The following PLPPR1 variants were observed in gnomAD, a reference collection of about 807,000 sequenced individuals.
PLPPR1 encodes the protein phospholipid phosphatase related 1.
Under a neutral mutation model 33.1 loss-of-function variants are expected in PLPPR1, and 10 were observed. The observed-to-expected ratio is 0.30, with a 90% CI of 0.19 to 0.51. The LOEUF (loss-of-function observed/expected upper bound fraction) is 0.51, where lower values mean the gene tolerates loss of function less well. PLPPR1 is among the 20% of genes least tolerant of loss of function. The pLI is 0.97. For missense variants in PLPPR1, 304 were observed against 408.1 expected (o/e 0.74, Z 2.20); for synonymous variants, 151 against 151.0 (o/e 1.00, Z 0.00).
intron 2 of PLPPR1, among the ~76,000 whole-genome samples, chr9:101,266,755 T>C (rs1306045565): frequency 6.6e-6 from 1 of 152,228 alleles, no homozygotes; most frequent in Admixed American, 6.5e-5. Context: ...TTTATTTCAG[T>C]GTATTTGGTG....
At chr9:101,064,488 G>A (rs1172925014) in intron 1 of PLPPR1, among the ~76,000 whole-genome samples, 1 of 152,046 alleles carries the variant, frequency 6.6e-6, no homozygotes, top group African/African-American at 2.4e-5. Context: ...GAAGCTGCAG[G>A]TTTCCAAAGA....
intron 4 of PLPPR1, among the ~76,000 whole-genome samples, chr9:101,308,632 C>A (rs1001150718): frequency 6.6e-6 from 1 of 151,990 alleles, no homozygotes; most frequent in Non-Finnish European, 1.5e-5. Context: ...CCAATTCAAG[C>A]AAAGTTTCTA....
intron 1 of PLPPR1, among the ~76,000 whole-genome samples, chr9:101,038,614 C>CA (rs1457805525): frequency 7.9e-5 from 12 of 152,198 alleles, no homozygotes; most frequent in Admixed American, 7.2e-4. Context: ...GGATAACAGG[C>CA]AGTTTCCAGC....
rs75575120 is a variant in PLPPR1 at position 101,084,820 on chromosome 9, C to T, written c.-46+55718C>T. Among the ~76,000 whole-genome samples the T allele has an allele frequency of 0.016, 2,509 of 152,278 alleles. 139 individuals carry two copies. In the South Asian group the frequency reaches 0.19, roughly 12 times the overall value. ...CCAAATTCTTTCAGGGACAATCATG[C>T]TGTGTGACATCGATGAATATGACAG... is the stretch of plus-strand genomic sequence containing the variant. On this transcript the variant is annotated intron_variant, in intron 1 of 7. Coordinates refer to ENST00000374874, the MANE Select transcript of PLPPR1 (RefSeq NM_207299.2).
intron 1 of PLPPR1, among the ~76,000 whole-genome samples, chr9:101,181,854 GTATATA>G (rs150075845): frequency 6.9e-6 from 1 of 144,310 alleles, no homozygotes; most frequent in South Asian, 2.2e-4. Context: ...GTGCATGTGT[GTATATA>G]TATATATACA....
chr9:101,291,239 G>A (rs1358977660), intron 4 of PLPPR1, among the ~76,000 whole-genome samples: 1 of 152,236 alleles, frequency 6.6e-6, no homozygotes, highest in Non-Finnish European at 1.5e-5. Context: ...CTGGGGGAGG[G>A]GCGCCCGCCA....
chr9:101,085,552 T>C (rs1357201271), intron 1 of PLPPR1, among the ~76,000 whole-genome samples: 1 of 151,848 alleles, frequency 6.6e-6, no homozygotes, highest in Non-Finnish European at 1.5e-5. Flanking sequence ...GAAACAAACA[T>C]TGGGGCCAAC....
intron 1 of PLPPR1, among the ~76,000 whole-genome samples, chr9:101,067,509 G>A (rs969700458): frequency 5.3e-5 from 8 of 152,034 alleles, no homozygotes; most frequent in African/African-American, 1.9e-4. Flanking sequence ...ACTTTAATAA[G>A]AGGGTATGCA....
Position 101,051,775 on chromosome 9 carries a change from T to G in PLPPR1, c.-46+22673T>G, listed in dbSNP as rs146396431. 2.2e-3 allele frequency among the ~76,000 whole-genome samples: 339 copies of G among 152,332 alleles called. 12 individuals carry two copies. In the East Asian group the frequency reaches 0.056, roughly 25 times the overall value. ...AGGCAGGTAGACATTTATTCTTTAA[T>G]TTAGAGATACAGAGCAAGTGTAAGT... On this transcript the variant is annotated intron_variant, in intron 1 of 7. Coordinates refer to ENST00000374874, the MANE Select transcript of PLPPR1 (RefSeq NM_207299.2).
At chr9:101,203,735 A>C (rs1440260464) in intron 2 of PLPPR1, among the ~76,000 whole-genome samples, 1 of 151,538 alleles carries the variant, frequency 6.6e-6, no homozygotes, top group South Asian at 2.1e-4. Context: ...GATATGTTAT[A>C]TATCTATCTA....
chr9:101,155,648 G>A (rs1382496815), intron 1 of PLPPR1, among the ~76,000 whole-genome samples: 2 of 150,786 alleles, frequency 1.3e-5, no homozygotes, highest in African/African-American at 4.9e-5. Flanking sequence ...TGCCCAGGCT[G>A]GAGTGCAGTG....
intron 1 of PLPPR1, among the ~76,000 whole-genome samples, chr9:101,101,606 A>G (rs1248345403): frequency 1.3e-5 from 2 of 152,142 alleles, no homozygotes; most frequent in Non-Finnish European, 2.9e-5. Context: ...TATGGAATAT[A>G]TGGTCATCCA....
chr9:101,307,160 G>A (rs1828872788), intron 4 of PLPPR1, among the ~76,000 whole-genome samples: 1 of 152,226 alleles, frequency 6.6e-6, no homozygotes, highest in Non-Finnish European at 1.5e-5. Flanking sequence ...GAGAGAAGAA[G>A]AGAAGCTACT....
intron 2 of PLPPR1, among the ~76,000 whole-genome samples, chr9:101,216,022 A>C (rs546655260): frequency 1.3e-5 from 2 of 152,076 alleles, no homozygotes; most frequent in South Asian, 4.1e-4. Flanking sequence ...GGATTACGGG[A>C]TCATATGATA....
intron 4 of PLPPR1, among the ~76,000 whole-genome samples, chr9:101,308,656 A>T (rs1372664449): frequency 2.0e-5 from 3 of 152,174 alleles, no homozygotes; most frequent in Non-Finnish European, 1.5e-5. Context: ...TAATTTTTTT[A>T]AAAGACAATT....
intron 1 of PLPPR1, among the ~76,000 whole-genome samples, chr9:101,159,327 T>C (rs887056373): frequency 6.6e-6 from 1 of 152,214 alleles, no homozygotes; most frequent in Admixed American, 6.5e-5. Flanking sequence ...TTTGAAAGAT[T>C]TGAGTGGTAG....
intron 1 of PLPPR1, among the ~76,000 whole-genome samples, chr9:101,029,488 C>A (rs1172799122): frequency 6.6e-6 from 1 of 152,184 alleles, no homozygotes; most frequent in African/African-American, 2.4e-5. Context: ...AGGCGCCCTG[C>A]AGGTAGCTGA....
At chr9:101,313,345 TC>T (rs1266302318) in intron 6 of PLPPR1, among the ~76,000 whole-genome samples, 1 of 152,144 alleles carries the variant, frequency 6.6e-6, no homozygotes, top group African/African-American at 2.4e-5. Context: ...AGCTAAGTGT[TC>T]CTTGAGGGAA....
intron 2 of PLPPR1, among the ~76,000 whole-genome samples, chr9:101,215,303 A>G (rs780386167): frequency 4.0e-5 from 6 of 151,858 alleles, no homozygotes; most frequent in Non-Finnish European, 8.8e-5. Flanking sequence ...TTTTGGAGAC[A>G]GAGTTTTGCT....
Sources: gnomAD v4.1 joint callset for allele counts (sites outside exome capture counted in the v4.1 genomes callset) on GRCh38, gnomAD v4.1.1 for gene constraint, MANE v1.5 for transcripts, NCBI Gene and HGNC (gene_info 2026-07-23, HGNC 2026-07-21) for gene names.